Variants in UNC93A observed in about 807,000 individuals in gnomAD.
UNC93A encodes the protein N-acetylglucosamine transporter UNC93A.
A neutral mutation model predicts 47.5 loss-of-function variants in UNC93A; 43 were observed. The observed-to-expected ratio is 0.91, with a 90% CI of 0.71 to 1.17. The LOEUF is 1.17. Ranked by LOEUF, UNC93A falls within the 50% of genes most tolerant of loss-of-function variation. The pLI is 0.00. For synonymous variants in UNC93A, 280 were observed against 258.0 expected (o/e 1.09, Z -0.82); for missense variants, 605 against 577.6 (o/e 1.05, Z -0.49).
chr6:167,285,551 G>A (rs913696516), intron 1 of UNC93A, among the ~76,000 whole-genome samples: 11 of 151,752 alleles, frequency 7.2e-5, no homozygotes, highest in Non-Finnish European at 1.6e-4. Flanking sequence ...GATGAGAGTT[G>A]GCCTCTGTCG....
At chr6:167,294,777 A>G in intron 2 of UNC93A, 79 bp downstream of exon 2, 1 of 1,453,154 alleles carries the variant, frequency 6.9e-7, no homozygotes, top group Non-Finnish European at 9.3e-7. Context: ...CATGAGTTGC[A>G]TTTGCACCTG....
chr6:167,280,128 A>G (rs1783607585), intron 1 of UNC93A, among the ~76,000 whole-genome samples: 1 of 152,090 alleles, frequency 6.6e-6, no homozygotes, highest in South Asian at 2.1e-4. Context: ...TCAAAACCCA[A>G]TCTCATGTTT....
intron 1 of UNC93A, among the ~76,000 whole-genome samples, chr6:167,279,440 TC>T (rs1171781875): frequency 6.6e-6 from 1 of 152,118 alleles, no homozygotes; most frequent in Non-Finnish European, 1.5e-5. Flanking sequence ...TTCCCTCCTA[TC>T]GTATGTGTAA....
upstream of UNC93A, among the ~76,000 whole-genome samples, chr6:167,290,494 T>A (rs1236906532): frequency 2.6e-5 from 4 of 152,218 alleles, no homozygotes; most frequent in South Asian, 2.1e-4. Context: ...GTTTTACTTA[T>A]AATTGAATAA....
intron 1 of UNC93A, among the ~76,000 whole-genome samples, chr6:167,276,771 A>AT (rs1783550839): frequency 6.6e-6 from 1 of 152,080 alleles, no homozygotes; most frequent in African/African-American, 2.4e-5. Context: ...AGCAAAAAAA[A>AT]TGTATTTATG....
rs956883828 is a variant in UNC93A at position 167,301,845 on chromosome 6, G to A, written c.626-2074G>A. Among the ~76,000 whole-genome samples, 8 of 152,130 alleles carry A rather than the reference G, an allele frequency of 5.3e-5. 1 individual carries two copies. Among genetic ancestry groups the A allele is most frequent in the Middle Eastern group, 6.3e-3 (2 of 316 alleles). ...CTACACACAGTCAGCTCAGGGGGTC[G>A]GCTTGGAAGGGGGCCCTGATCATTG... On this transcript the variant is annotated intron_variant, in intron 4 of 7. Transcript: ENST00000230256.
intron 7 of UNC93A, 123 bp from the exon 8 acceptor site, chr6:167,315,064 G>A: frequency 7.0e-7 from 1 of 1,421,158 alleles, no homozygotes; most frequent in Non-Finnish European, 9.5e-7. Flanking sequence ...ATTCTGTTGT[G>A]AAAAAAGAAA....
upstream of UNC93A, among the ~76,000 whole-genome samples, chr6:167,290,228 A>G (rs986596984): frequency 6.6e-5 from 10 of 152,206 alleles, no homozygotes; most frequent in African/African-American, 2.4e-4. Context: ...TCTTATGTCT[A>G]TGTAAGCATG....
intron 7 of UNC93A, among the ~76,000 whole-genome samples, chr6:167,314,787 C>G (rs1778647715): frequency 6.6e-6 from 1 of 152,206 alleles, no homozygotes; most frequent in Non-Finnish European, 1.5e-5. Flanking sequence ...CCTACCTTTG[C>G]TTGGAGTTGT....
intron 7 of UNC93A, among the ~76,000 whole-genome samples, chr6:167,312,472 G>T (rs558611455): frequency 6.6e-6 from 1 of 152,158 alleles, no homozygotes. Flanking sequence ...CCTTCTCCCC[G>T]ATGTATTTAT....
At chr6:167,306,995 T>C (rs972167021) in intron 6 of UNC93A, among the ~76,000 whole-genome samples, 1 of 152,176 alleles carries the variant, frequency 6.6e-6, no homozygotes, top group South Asian at 2.1e-4. Context: ...GCTACCTGCC[T>C]GGGGGGTCTG....
chr6:167,287,168 C>T (rs963712465), upstream of UNC93A, among the ~76,000 whole-genome samples: 7 of 151,718 alleles, frequency 4.6e-5, no homozygotes, highest in Admixed American at 2.6e-4. Flanking sequence ...CTCAGCTGTC[C>T]AATCACAGCC....
chr6:167,293,317 A>C (rs1485952015), intron 1 of UNC93A, among the ~76,000 whole-genome samples: 4 of 152,088 alleles, frequency 2.6e-5, no homozygotes. Flanking sequence ...CTGGAGATGC[A>C]GGGGAGCCAG....
upstream of UNC93A, among the ~76,000 whole-genome samples, chr6:167,289,281 A>T (rs1783799770): frequency 6.7e-6 from 1 of 150,294 alleles, no homozygotes; most frequent in Non-Finnish European, 1.5e-5. Flanking sequence ...CCACTGGGGG[A>T]CCATGTCTAA....
chr6:167,303,962 A>G lies in UNC93A; in HGVS notation c.669A>G (p.Gln223=). 6.2e-7 allele frequency: 1 copy of G among 1,613,410 alleles called. No individual in the cohort carries two copies. The highest frequency in any genetic ancestry group is 1.3e-5 in the African/African-American group (1 of 74,728). Residue 223 remains glutamine, a synonymous_variant, in exon 5 of 8, where the codon CAA becomes CAG. Transcript: ENST00000230256. ...LAVLMIAAFL[Q]PIRDVQRESE... is the part of the protein sequence containing the mutation. ...TCCTGATGATAGCTGCGTTCCTCCA[A>G]CCCATACGAGATGTTCAGCGGGAAA...
chr6:167,274,355 C>T (rs1016612001), intron 1 of UNC93A, among the ~76,000 whole-genome samples: 10 of 152,176 alleles, frequency 6.6e-5, no homozygotes, highest in Admixed American at 3.3e-4. Flanking sequence ...AAAAATCCTA[C>T]GTATTCCACG....
At chr6:167,296,287 G>T (rs1231447352) in intron 3 of UNC93A, 26 bp downstream of exon 3, 1 of 1,611,002 alleles carries the variant, frequency 6.2e-7, no homozygotes. Flanking sequence ...GCAAGCAATT[G>T]TCTCCAAGTG....
intron 4 of UNC93A, among the ~76,000 whole-genome samples, chr6:167,302,822 G>A (rs925567375): frequency 1.5e-4 from 23 of 152,160 alleles, no homozygotes; most frequent in Non-Finnish European, 2.5e-4. Flanking sequence ...AGTGACCTGA[G>A]GCTAGCTGCG....
intron 1 of UNC93A, among the ~76,000 whole-genome samples, chr6:167,280,967 T>C (rs1783622004): frequency 1.3e-5 from 2 of 152,184 alleles, no homozygotes; most frequent in Non-Finnish European, 2.9e-5. Flanking sequence ...CAAGCCATAC[T>C]TCTTTCCCTT....
Sources: gnomAD v4.1 joint callset for allele counts (sites outside exome capture counted in the v4.1 genomes callset) on GRCh38, gnomAD v4.1.1 for gene constraint, MANE v1.5 for transcripts, NCBI Gene and HGNC (gene_info 2026-07-23, HGNC 2026-07-21) for gene names.